Variants in ABI3BP observed in about 807,000 individuals in gnomAD.
ABI3BP encodes target of Nesh-SH3.
ABI3BP carries 216 observed loss-of-function variants against 268.6 expected under a neutral mutation model. The observed-to-expected ratio is 0.80, with a 90% CI of 0.72 to 0.90. The LOEUF (loss-of-function observed/expected upper bound fraction) is 0.90. ABI3BP is among the 40% of genes least tolerant of loss of function. The probability of loss-of-function intolerance (pLI) is 0.00; values close to 1 mark genes in which losing one functional copy is unlikely to be tolerated. For synonymous variants in ABI3BP, 730 were observed against 730.0 expected (o/e 1.00, Z 0.00); for missense variants, 2,090 against 2,182.4 (o/e 0.96, Z 0.84).
chr3:100,902,300 A>G (rs1223914637), intron 3 of ABI3BP, among the ~76,000 whole-genome samples: 2 of 152,242 alleles, frequency 1.3e-5, no homozygotes, highest in African/African-American at 4.8e-5. Flanking sequence ...AGCACTGACT[A>G]CAGGCCAGGC....
intron 61 of ABI3BP, among the ~76,000 whole-genome samples, chr3:100,773,912 T>A (rs776866801): frequency 9.8e-4 from 149 of 152,192 alleles, no homozygotes; most frequent in Non-Finnish European, 5.9e-4. Flanking sequence ...GGCAGGCCTG[T>A]TGCCACGTAG....
chr3:100,815,819 T>C, intron 44 of ABI3BP, 93 bp downstream of exon 44: 1 of 815,334 alleles, frequency 1.2e-6, no homozygotes, highest in Non-Finnish European at 1.9e-6. Context: ...AACAGCGTCT[T>C]AGGAAGCAGA....
At chr3:100,750,965 G>A (rs1267847464) in intron 67 of ABI3BP, among the ~76,000 whole-genome samples, 1 of 152,066 alleles carries the variant, frequency 6.6e-6, no homozygotes, top group East Asian at 1.9e-4. Context: ...GAATCAAATA[G>A]TTTATTTAGA....
At chr3:100,772,724 G>C (rs2149999248) in intron 61 of ABI3BP, among the ~76,000 whole-genome samples, 1 of 152,254 alleles carries the variant, frequency 6.6e-6, no homozygotes, top group Admixed American at 6.5e-5. Context: ...CAAATAGCAA[G>C]ATGAAGATTT....
chr3:100,899,735 C>T lies in ABI3BP; in HGVS notation c.329-841G>A, dbSNP rs539543133. Among the ~76,000 whole-genome samples, 26 of 152,248 alleles carry T rather than the reference C, an allele frequency of 1.7e-4. No homozygotes were observed. In the South Asian group the frequency reaches 4.8e-3, roughly 28 times the overall value. ...AATTAGAGTAAATAAGATAAAAATC[C>T]GATAGAAAGCCTAATAAAACTACAC... On this transcript the variant is annotated intron_variant, in intron 3 of 67. Coordinates refer to ENST00000471714, the MANE Select transcript of ABI3BP (RefSeq NM_001375547.2).
intron 4 of ABI3BP, among the ~76,000 whole-genome samples, chr3:100,896,152 AT>A (rs1332130727): frequency 6.6e-6 from 1 of 152,104 alleles, no homozygotes; most frequent in African/African-American, 2.4e-5. Context: ...GAAATTATCG[AT>A]TTTGAATATT....
intron 1 of ABI3BP, among the ~76,000 whole-genome samples, chr3:100,956,538 A>G (rs902578661): frequency 5.3e-5 from 8 of 152,196 alleles, no homozygotes; most frequent in African/African-American, 1.7e-4. Flanking sequence ...ACTACAAAGA[A>G]CAGAGGCCCT....
At chr3:100,904,154 A>G (rs1193676261) in intron 2 of ABI3BP, among the ~76,000 whole-genome samples, 1 of 152,136 alleles carries the variant, frequency 6.6e-6, no homozygotes, top group East Asian at 1.9e-4. Context: ...TTACTCCCTC[A>G]TGGCAATCCT....
intron 34 of ABI3BP, among the ~76,000 whole-genome samples, chr3:100,827,893 C>A (rs190698665): frequency 6.6e-6 from 1 of 152,094 alleles, no homozygotes; most frequent in African/African-American, 2.4e-5. Context: ...AATCTACTAG[C>A]CTTGATCACA....
chr3:100,847,181 T>C (rs2098779381), intron 19 of ABI3BP, among the ~76,000 whole-genome samples: 1 of 152,128 alleles, frequency 6.6e-6, no homozygotes, highest in Non-Finnish European at 1.5e-5. Flanking sequence ...AATTCACCAA[T>C]AGGTATAATG....
At chr3:100,963,373 G>T (rs2079882441) in intron 1 of ABI3BP, among the ~76,000 whole-genome samples, 1 of 152,102 alleles carries the variant, frequency 6.6e-6, no homozygotes, top group Non-Finnish European at 1.5e-5. Context: ...TCAAATATCT[G>T]ATTGTCAAAT....
chr3:100,943,789 A>G (rs2070714638), intron 1 of ABI3BP, among the ~76,000 whole-genome samples: 1 of 152,128 alleles, frequency 6.6e-6, no homozygotes, highest in African/African-American at 2.4e-5. Context: ...CAACATTTTT[A>G]CATCTTCCAG....
At chr3:100,810,503 G>A (rs533074284) in intron 48 of ABI3BP, 26 bp from the exon 49 acceptor site, 42 of 1,504,578 alleles carry the variant, frequency 2.8e-5, no homozygotes, top group African/African-American at 6.9e-5. Context: ...GAAAGTACGC[G>A]GGTTACTATA....
intron 18 of ABI3BP, among the ~76,000 whole-genome samples, chr3:100,848,583 T>C (rs1483549589): frequency 6.6e-6 from 1 of 151,888 alleles, no homozygotes; most frequent in African/African-American, 2.4e-5. Flanking sequence ...AAGCACACCA[T>C]GCCTGGCTAA....
At chr3:100,829,410 T>C (rs2098446082) in intron 33 of ABI3BP, among the ~76,000 whole-genome samples, 171 bp downstream of exon 33, 1 of 152,150 alleles carries the variant, frequency 6.6e-6, no homozygotes, top group South Asian at 2.1e-4. Flanking sequence ...ATTAAATAGA[T>C]GCTGAGAGAG....
At chr3:100,764,066 G>A (rs138492995) in intron 63 of ABI3BP, among the ~76,000 whole-genome samples, 315 of 152,212 alleles carry the variant, frequency 2.1e-3, no homozygotes, top group African/African-American at 7.2e-3. Context: ...TACTCATGCT[G>A]AGGTAAAAAT....
intron 4 of ABI3BP, among the ~76,000 whole-genome samples, chr3:100,887,496 T>C (rs540313636): frequency 2.5e-4 from 38 of 152,048 alleles, no homozygotes; most frequent in South Asian, 1.5e-3. Flanking sequence ...ATGAGAAAAA[T>C]AGGATTTGAG....
At chr3:100,774,516 T>G in intron 61 of ABI3BP, 89 bp downstream of exon 61, 1 of 1,000,064 alleles carries the variant, frequency 1.0e-6, no homozygotes, top group Non-Finnish European at 1.4e-6. Context: ...GCTACTAAGA[T>G]TTGTGGTTTT....
At chr3:100,851,254 T>C (rs2098834562) in intron 15 of ABI3BP, among the ~76,000 whole-genome samples, 1 of 152,260 alleles carries the variant, frequency 6.6e-6, no homozygotes, top group Non-Finnish European at 1.5e-5. Flanking sequence ...TAACTCACTA[T>C]AGATGGGTCA....
Sources: gnomAD v4.1 joint callset for allele counts (sites outside exome capture counted in the v4.1 genomes callset) on GRCh38, gnomAD v4.1.1 for gene constraint, MANE v1.5 for transcripts, NCBI Gene and HGNC (gene_info 2026-07-23, HGNC 2026-07-21) for gene names.